The following ADAMTS15 variants were observed in gnomAD, a reference collection of about 807,000 sequenced individuals.
ADAMTS15 encodes the protein A disintegrin and metalloproteinase with thrombospondin motifs 15.
Under a neutral mutation model 79.1 loss-of-function variants are expected in ADAMTS15, and 35 were observed. That is an observed-to-expected ratio of 0.44 (90% confidence interval 0.34 to 0.59). The LOEUF is 0.59. Among genes scored for constraint, ADAMTS15 ranks in the 20% least tolerant of loss-of-function variants. The probability of loss-of-function intolerance (pLI) is 0.02; values close to 1 mark genes in which losing one functional copy is unlikely to be tolerated. For synonymous variants in ADAMTS15, 616 were observed against 567.3 expected (o/e 1.09, Z -1.22); for missense variants, 1,324 against 1,318.7 (o/e 1.00, Z -0.06).
At chr11:130,466,364 T>C (rs1007820220) in intron 4 of ADAMTS15, among the ~76,000 whole-genome samples, 13 of 152,306 alleles carry the variant, frequency 8.5e-5, no homozygotes, top group African/African-American at 2.6e-4. Context: ...TCTAAGGGAA[T>C]CTGGACGTGT....
rs376116649 is a variant in ADAMTS15, at chr11:130,462,783, G to A, written c.1542+3G>A. 122 of 1,582,554 alleles carry A rather than the reference G, an allele frequency of 7.7e-5. No individual in the cohort carries two copies. The highest frequency in any genetic ancestry group is 1.0e-4 in the Non-Finnish European group (120 of 1,157,418). ...GACACAACCTCAACAAGCACAGGGT[G>A]AGTGAGTGCTGGAGCTGCGCTCGGG... is the stretch of plus-strand genomic sequence containing the variant. On this transcript the variant is annotated splice_donor_region_variant and intron_variant, in intron 4 of 7. Coordinates refer to ENST00000299164, the MANE Select transcript of ADAMTS15 (RefSeq NM_139055.4). The surrounding 1 kb of genome is among the most constrained non-coding windows in gnomAD (Gnocchi z 4.3).
At chr11:130,451,388 C>T (rs1020769201) in intron 1 of ADAMTS15, among the ~76,000 whole-genome samples, 3 of 152,160 alleles carry the variant, frequency 2.0e-5, no homozygotes, top group Non-Finnish European at 4.4e-5. Flanking sequence ...TCTTCTCCTC[C>T]CACCACCTGG....
At chr11:130,450,271 G>T in intron 1 of ADAMTS15, 1 of 985,490 alleles carries the variant, frequency 1.0e-6, no homozygotes, top group Non-Finnish European at 1.2e-6. Flanking sequence ...GATAGGAGAC[G>T]CCGTGAGGAT....
At position 130,462,352 on chromosome 11, in the gene ADAMTS15, G is replaced by A; in HGVS notation, c.1258+98G>A. ...TCACTTCTCCGTCCTCTGTACATTAGGTGTGTGTGCCCCCTCGGAGCCGGG... is the reference window on the plus strand; with the variant it reads ...TCACTTCTCCGTCCTCTGTACATTAAGTGTGTGTGCCCCCTCGGAGCCGGG... On this transcript the variant is annotated intron_variant, in intron 3 of 7. Transcript: ENST00000299164. This position sits in a 1 kb window ranked among gnomAD's most constrained non-coding sequence, Gnocchi z 4.3. 6.7e-7 allele frequency: 1 copy of A among 1,496,494 alleles called. No individual in the cohort carries two copies. The highest frequency in any genetic ancestry group is 2.1e-5 in the Admixed American group (1 of 46,624). 92.7% of individuals were successfully genotyped at this position (1,496,494 alleles called of 1,614,324 possible). A position where few individuals can be genotyped will look rare whatever the true frequency, so the allele number is the denominator to read the frequency against.
intron 7 of ADAMTS15, 77 bp downstream of exon 7, chr11:130,471,460 G>C: frequency 6.6e-7 from 1 of 1,514,562 alleles, no homozygotes; most frequent in Non-Finnish European, 8.8e-7. Context: ...TGGAAGCTTG[G>C]GTTAGACTGG....
chr11:130,469,435 C>T lies in ADAMTS15; in HGVS notation c.1716C>T (p.Ser572=). The T allele has an allele frequency of 7.5e-7, 1 of 1,338,312 alleles. No individual in the cohort carries two copies. The highest frequency in any genetic ancestry group is 9.7e-7 in the Non-Finnish European group (1 of 1,035,894). 82.9% of individuals were successfully genotyped at this position (1,338,312 alleles called of 1,614,324 possible). Reference sequence around the variant, plus strand: ...CCTGCAATCTGGAGCCCTGCCCCAGCTCAGGTGAGGTGGGGAGAGCAGTGG... The same window carrying T: ...CCTGCAATCTGGAGCCCTGCCCCAGTTCAGGTGAGGTGGGGAGAGCAGTGG... ...YRSCNLEPCP[S]SASGKSFREE... is the part of the protein sequence containing the mutation. The change falls in exon 5 of 8, where the codon AGC becomes AGT. Residue 572 remains serine, a synonymous_variant. Transcript: ENST00000299164.
intron 4 of ADAMTS15, among the ~76,000 whole-genome samples, chr11:130,465,145 T>A (rs987582165): frequency 1.3e-5 from 2 of 152,036 alleles, no homozygotes; most frequent in African/African-American, 4.8e-5. Context: ...CATTACTAAC[T>A]CTTTCTTCCT....
chr11:130,470,138 A>ACACATG (rs1204985431), intron 5 of ADAMTS15, among the ~76,000 whole-genome samples: 3 of 66,942 alleles, frequency 4.5e-5, no homozygotes, highest in African/African-American at 2.5e-4. Context: ...ATATACATAT[A>ACACATG]TATATATATA....
intron 4 of ADAMTS15, among the ~76,000 whole-genome samples, chr11:130,468,673 G>C (rs1938355107): frequency 6.6e-6 from 1 of 150,742 alleles, no homozygotes; most frequent in Non-Finnish European, 1.5e-5. Flanking sequence ...GCTGAGGCAG[G>C]AGAATGGCGT....
chr11:130,452,569 G>A (rs11827019), intron 1 of ADAMTS15, among the ~76,000 whole-genome samples: 81,158 of 152,098 alleles, frequency 0.53, 22,838 homozygotes, highest in African/African-American at 0.72. Context: ...CCGTTTGGGT[G>A]ACCCTTTGTG....
rs1937918026 is a variant in ADAMTS15, at chr11:130,449,612, C to T, written c.639C>T (p.Phe213=). ...GCAGGTCTGGGCGCGCCAAGCGTTT[C>T]GTGTCTATCCCGCGGTACGTGGAGA... is the stretch of plus-strand genomic sequence containing the variant. ...SRRRSGRAKR[F]VSIPRYVETL... is the part of the protein sequence containing the mutation. The change falls in exon 1 of 8, where the codon TTC becomes TTT. Residue 213 remains phenylalanine, a synonymous_variant. Coordinates refer to ENST00000299164, the MANE Select transcript of ADAMTS15 (RefSeq NM_139055.4). This position sits in a 1 kb window ranked among gnomAD's most constrained non-coding sequence, Gnocchi z 7.8. 6.2e-7 allele frequency: 1 copy of T among 1,605,454 alleles called. No individual in the cohort carries two copies. The highest frequency in any genetic ancestry group is 1.1e-5 in the South Asian group (1 of 89,844).
At position 130,462,337 on chromosome 11, in the gene ADAMTS15, G is replaced by A. The variant is rs369719232; in HGVS notation, c.1258+83G>A. ...CCCTGGTGGAGGTGCTCACTTCTCCGTCCTCTGTACATTAGGTGTGTGTGC... is the reference window on the plus strand; with the variant it reads ...CCCTGGTGGAGGTGCTCACTTCTCCATCCTCTGTACATTAGGTGTGTGTGC... On this transcript the variant is annotated intron_variant, in intron 3 of 7. Transcript: ENST00000299164. This position sits in a 1 kb window ranked among gnomAD's most constrained non-coding sequence, Gnocchi z 4.3. The A allele has an allele frequency of 8.6e-6, 13 of 1,516,988 alleles. No homozygotes were observed. The highest frequency in any genetic ancestry group is 6.9e-5 in the African/African-American group (5 of 72,976). 94.0% of individuals were successfully genotyped at this position (1,516,988 alleles called of 1,614,324 possible).
chr11:130,459,009 A>C (rs1351386404), intron 1 of ADAMTS15, among the ~76,000 whole-genome samples: 1 of 146,630 alleles, frequency 6.8e-6, no homozygotes, highest in Non-Finnish European at 1.5e-5. Flanking sequence ...GGTCGGGTGA[A>C]GGTCCCCTCC....
At chr11:130,450,016 G>T in intron 1 of ADAMTS15, 86 bp downstream of exon 1, 2 of 1,530,896 alleles carry the variant, frequency 1.3e-6, no homozygotes, top group East Asian at 2.3e-5. Context: ...CCTTTGTATC[G>T]TGCAATGCCT....
intron 1 of ADAMTS15, among the ~76,000 whole-genome samples, chr11:130,457,094 G>A (rs571923436): frequency 6.6e-6 from 1 of 152,122 alleles, no homozygotes; most frequent in East Asian, 1.9e-4. Flanking sequence ...TTAGCCAGGC[G>A]TGGTGGCGCA....
At chr11:130,466,524 G>A (rs1592148662) in intron 4 of ADAMTS15, among the ~76,000 whole-genome samples, 2 of 152,032 alleles carry the variant, frequency 1.3e-5, no homozygotes, top group Admixed American at 1.3e-4. Context: ...GTATCTCCAC[G>A]TCCCTGTGGA....
At chr11:130,460,417 C>T (rs1592146124) in intron 1 of ADAMTS15, among the ~76,000 whole-genome samples, 1 of 152,078 alleles carries the variant, frequency 6.6e-6, no homozygotes, top group East Asian at 1.9e-4. Flanking sequence ...GCTGGTATTA[C>T]AGGCACCTGC....
chr11:130,466,439 C>T (rs1386377846), intron 4 of ADAMTS15, among the ~76,000 whole-genome samples: 2 of 152,212 alleles, frequency 1.3e-5, no homozygotes, highest in East Asian at 1.9e-4. Flanking sequence ...GTCATCTCCC[C>T]TGAAGCTGCG....
In ADAMTS15 at chr11:130,476,599, G is replaced by A. The variant is rs1406620251; in HGVS notation, c.*2778G>A. On this transcript the variant is annotated 3_prime_UTR_variant, in exon 8 of 8. Transcript: ENST00000299164. ...TGTATACAAGGGAGCTGGCTGCTGAGGTGACCACAGCCTTCTCCTAATAAA... is the reference window on the plus strand; with the variant it reads ...TGTATACAAGGGAGCTGGCTGCTGAAGTGACCACAGCCTTCTCCTAATAAA... 6.6e-6 allele frequency: 1 copy of A among 152,280 alleles called. No individual in the cohort carries two copies. 9.4% of individuals were successfully genotyped at this position (152,280 alleles called of 1,614,324 possible).
Sources: allele counts gnomAD v4.1 joint callset (sites outside exome capture counted in the v4.1 genomes callset), GRCh38; gene constraint gnomAD v4.1.1; non-coding constraint Gnocchi (gnomAD v3.1); transcripts MANE v1.5; gene names NCBI Gene and HGNC (gene_info 2026-07-23, HGNC 2026-07-21).